RSPO1: variants seen among roughly 807,000 people sequenced by gnomAD.
RSPO1 encodes R-spondin 1.
A neutral mutation model predicts 26.0 loss-of-function variants in RSPO1; 18 were observed. That is an observed-to-expected ratio of 0.69 (90% CI 0.48 to 1.03). The LOEUF (loss-of-function observed/expected upper bound fraction) is 1.03. Among genes scored for constraint, RSPO1 ranks in the 50% least tolerant of loss-of-function variants. RSPO1 has a pLI of 0.00. For missense variants in RSPO1, 309 were observed against 352.3 expected, an observed-to-expected ratio of 0.88 and a Z score of 0.98; for synonymous variants, 133 against 137.4, an observed-to-expected ratio of 0.97 and a Z score of 0.22.
chr1:37,617,817 G>T (rs1644140751), intron 3 of RSPO1, among the ~76,000 whole-genome samples: 1 of 152,074 alleles, frequency 6.6e-6, no homozygotes, highest in East Asian at 1.9e-4. Context: ...TGAGCCCTGG[G>T]GACAGAGGTG....
intron 5 of RSPO1, 89 bp downstream of exon 5, chr1:37,614,095 C>A: frequency 6.7e-7 from 1 of 1,491,346 alleles, no homozygotes; most frequent in Non-Finnish European, 9.2e-7. Flanking sequence ...GCACAGTGCC[C>A]CAGCCCACCC....
rs768722618 is a variant in RSPO1 at position 37,629,596 on chromosome 1, C to T, written c.66G>A (p.Arg22=). ...GCCTCTGCCTTTTCCCCTTGATCCC[C>T]CGGCTGCTGATGGTGAGGTGCGTCC... ...LSWTHLTISS[R]GIKGKRQRRI... Residue 22 remains arginine, a synonymous_variant, in exon 3 of 7, where the codon CGG becomes CGA. Coordinates refer to ENST00000356545, the MANE Select transcript of RSPO1 (RefSeq NM_001242908.2). 2 of 1,614,172 alleles carry T rather than the reference C, an allele frequency of 1.2e-6. No homozygotes were observed. The highest frequency in any genetic ancestry group is 1.1e-5 in the South Asian group (1 of 91,082).
At chr1:37,623,861 G>A (rs1312791860) in intron 3 of RSPO1, among the ~76,000 whole-genome samples, 2 of 151,136 alleles carry the variant, frequency 1.3e-5, no homozygotes, top group African/African-American at 4.9e-5. Flanking sequence ...CTGGGTTCAA[G>A]CGATTCTCCT....
chr1:37,624,643 C>T (rs1644251071), intron 3 of RSPO1, among the ~76,000 whole-genome samples: 1 of 152,188 alleles, frequency 6.6e-6, no homozygotes, highest in African/African-American at 2.4e-5. Context: ...GGCAGCTCAG[C>T]CCCACACCCC....
intron 4 of RSPO1, among the ~76,000 whole-genome samples, chr1:37,614,809 CA>C (rs1644087566): frequency 6.6e-6 from 1 of 152,230 alleles, no homozygotes; most frequent in African/African-American, 2.4e-5. Context: ...TGGGCATCTG[CA>C]ATGTCCCAAA....
chr1:37,611,993 G>A lies in RSPO1; in HGVS notation c.*762C>T, dbSNP rs1644031767. The A allele has an allele frequency of 6.6e-6, 1 of 152,198 alleles. No homozygotes were observed. Among genetic ancestry groups the A allele is most frequent in the South Asian group, 2.1e-4 (1 of 4,818 alleles). 9.4% of individuals were successfully genotyped at this position (152,198 alleles called of 1,614,324 possible). ...AGACAGCCTGTTTACCACCGTCAGA[G>A]CAGCCCCTAAGTTTTCTTCCTTGTC... On this transcript the variant is annotated 3_prime_UTR_variant, in exon 7 of 7. Coordinates refer to ENST00000356545, the MANE Select transcript of RSPO1 (RefSeq NM_001242908.2).
chr1:37,626,727 A>G (rs536321507), intron 3 of RSPO1, among the ~76,000 whole-genome samples: 3 of 152,232 alleles, frequency 2.0e-5, no homozygotes, highest in Admixed American at 2.0e-4. Flanking sequence ...TGGCTTCTGG[A>G]GAAGTCAGGG....
chr1:37,616,476 A>G lies in RSPO1; in HGVS notation c.286+8T>C, dbSNP rs903593023. On this transcript the variant is annotated splice_region_variant and intron_variant, in intron 4 of 6. Transcript: ENST00000356545. ...CCCCCTGCCCCCGACAGCCCTGCCC[A>G]CACTCACTGATGCACTTGTTCATGT... 1.2e-6 allele frequency: 2 copies of G among 1,613,860 alleles called. No homozygotes were observed. Among genetic ancestry groups the G allele is most frequent in the Non-Finnish European group, 1.7e-6 (2 of 1,179,828 alleles).
At chr1:37,627,071 A>G (rs532169249) in intron 3 of RSPO1, among the ~76,000 whole-genome samples, 8 of 152,288 alleles carry the variant, frequency 5.3e-5, no homozygotes, top group African/African-American at 1.4e-4. Context: ...GAAATCAGAC[A>G]TGGCTTCAAA....
chr1:37,634,399 G>A lies in RSPO1; in HGVS notation c.-356+167C>T, dbSNP rs1455133724. 6.6e-6 allele frequency among the ~76,000 whole-genome samples: 1 copy of A among 152,084 alleles called. No homozygotes were observed. The highest frequency in any genetic ancestry group is 1.5e-5 in the Non-Finnish European group (1 of 67,986). ...GCAGACTTGCAGGAAGGGTGCAGGA[G>A]GTGCCCTGTCCTGATCGCCGACCGG... On this transcript the variant is annotated intron_variant, in intron 1 of 6. Coordinates refer to ENST00000356545, the MANE Select transcript of RSPO1 (RefSeq NM_001242908.2). This position sits in a 1 kb window ranked among gnomAD's most constrained non-coding sequence, Gnocchi z 4.7.
chr1:37,619,096 A>G (rs879543647), intron 3 of RSPO1, among the ~76,000 whole-genome samples: 10 of 152,124 alleles, frequency 6.6e-5, no homozygotes, highest in Admixed American at 2.0e-4. Context: ...GGTGGTGGGC[A>G]CCTGTAATCC....
At position 37,613,313 on chromosome 1, in the gene RSPO1, A is replaced by G. The variant is rs1445746712; in HGVS notation, c.625+391T>C. Among the ~76,000 whole-genome samples the G allele has an allele frequency of 1.3e-5, 2 of 152,206 alleles. No homozygotes were observed. Among genetic ancestry groups the G allele is most frequent in the African/African-American group, 4.8e-5 (2 of 41,460 alleles). On this transcript the variant is annotated intron_variant, in intron 6 of 6. Coordinates refer to ENST00000356545, the MANE Select transcript of RSPO1 (RefSeq NM_001242908.2). The surrounding 1 kb of genome is among the most constrained non-coding windows in gnomAD (Gnocchi z 4.5). ...CCACCAGCCACCTCTGGGGCCAGGCAAGAGCAGCAGCCAACCCCTTGCCAA... is the reference window on the plus strand; with the variant it reads ...CCACCAGCCACCTCTGGGGCCAGGCGAGAGCAGCAGCCAACCCCTTGCCAA...
At position 37,613,341 on chromosome 1, in the gene RSPO1, G is replaced by A. The variant is rs1644055479; in HGVS notation, c.625+363C>T. Among the ~76,000 whole-genome samples, 1 of 152,202 alleles carries A rather than the reference G, an allele frequency of 6.6e-6. No individual in the cohort carries two copies. Among genetic ancestry groups the A allele is most frequent in the Admixed American group, 6.5e-5 (1 of 15,284 alleles). On this transcript the variant is annotated intron_variant, in intron 6 of 6. Coordinates refer to ENST00000356545, the MANE Select transcript of RSPO1 (RefSeq NM_001242908.2). The surrounding 1 kb of genome is among the most constrained non-coding windows in gnomAD (Gnocchi z 4.5). ...AGCAGCAGCCAACCCCTTGCCAACT[G>A]CAGGCTGTGTGACTTTGGTGGAATC...
In RSPO1 at chr1:37,612,715, T is replaced by C. The variant is rs1365592281; in HGVS notation, c.*40A>G. The C allele has an allele frequency of 6.2e-7, 1 of 1,600,966 alleles. No homozygotes were observed. Among genetic ancestry groups the C allele is most frequent in the Non-Finnish European group, 8.5e-7 (1 of 1,176,714 alleles). On this transcript the variant is annotated 3_prime_UTR_variant, in exon 7 of 7. Coordinates refer to ENST00000356545, the MANE Select transcript of RSPO1 (RefSeq NM_001242908.2). Reference sequence around the variant, plus strand: ...AAGCTTGAATCACGCAGAGTAGCACTGAACTCTTTCTGCATGGGCCTGGAG... The same window carrying C: ...AAGCTTGAATCACGCAGAGTAGCACCGAACTCTTTCTGCATGGGCCTGGAG...
chr1:37,617,882 T>C (rs1197219312), intron 3 of RSPO1, among the ~76,000 whole-genome samples: 1 of 151,748 alleles, frequency 6.6e-6, no homozygotes, highest in African/African-American at 2.4e-5. Context: ...AGACCACAAA[T>C]AGGTGAATGC....
intron 3 of RSPO1, among the ~76,000 whole-genome samples, chr1:37,619,959 G>A (rs1416390105): frequency 6.6e-6 from 1 of 152,036 alleles, no homozygotes; most frequent in Non-Finnish European, 1.5e-5. Context: ...ATGTTGGTCA[G>A]GCTGGTCTCG....
chr1:37,616,236 G>A (rs1173320030), intron 4 of RSPO1, among the ~76,000 whole-genome samples: 4 of 152,284 alleles, frequency 2.6e-5, no homozygotes, highest in South Asian at 4.1e-4. Flanking sequence ...TGTGGCTTGG[G>A]TGACAGGTTG....
At chr1:37,617,661 CAAAA>C (rs34856591) in intron 3 of RSPO1, among the ~76,000 whole-genome samples, 185 of 36,350 alleles carry the variant, frequency 5.1e-3, no homozygotes, top group African/African-American at 0.02. Context: ...GACTCCATCT[CAAAA>C]AAAAAAAAAA....
At chr1:37,622,680 A>G (rs1482957959) in intron 3 of RSPO1, among the ~76,000 whole-genome samples, 2 of 152,192 alleles carry the variant, frequency 1.3e-5, no homozygotes, top group Non-Finnish European at 2.9e-5. Flanking sequence ...TGCCAGGAAT[A>G]AGGTTGAAAA....
Sources: allele counts gnomAD v4.1 joint callset (sites outside exome capture counted in the v4.1 genomes callset), GRCh38; gene constraint gnomAD v4.1.1; non-coding constraint Gnocchi (gnomAD v3.1); transcripts MANE v1.5; gene names NCBI Gene and HGNC (gene_info 2026-07-23, HGNC 2026-07-21).